Variants in SLC6A5 observed in about 807,000 individuals in gnomAD.
SLC6A5 encodes solute carrier family 6 member 5, also known as sodium- and chloride-dependent glycine transporter 2.
In SLC6A5, 58 loss-of-function variants were observed where a neutral mutation model predicts 90.5. That is an observed-to-expected ratio of 0.64 (90% CI 0.52 to 0.80). The LOEUF (loss-of-function observed/expected upper bound fraction) is 0.80, where lower values mean the gene tolerates loss of function less well. Ranked by LOEUF, SLC6A5 falls within the 30% of genes least tolerant of loss-of-function variation. The pLI is 0.00. For synonymous variants in SLC6A5, 427 were observed against 401.4 expected (o/e 1.06, Z -0.76); for missense variants, 1,015 against 1,017.6 (o/e 1.00, Z 0.03).
At chr11:20,600,133 T>C (rs1263659884) in intron 1 of SLC6A5, among the ~76,000 whole-genome samples, 1 of 152,074 alleles carries the variant, frequency 6.6e-6, no homozygotes, top group Non-Finnish European at 1.5e-5. Flanking sequence ...ATAATAATTA[T>C]TGGTGCTAAT....
intron 9 of SLC6A5, among the ~76,000 whole-genome samples, chr11:20,629,003 G>C (rs1443351651): frequency 6.6e-6 from 1 of 152,162 alleles, no homozygotes. Flanking sequence ...GCCTATGACA[G>C]ATAGACTCAT....
intron 5 of SLC6A5, among the ~76,000 whole-genome samples, chr11:20,614,199 A>G (rs535313032): frequency 1.3e-5 from 2 of 152,214 alleles, no homozygotes; most frequent in African/African-American, 2.4e-5. Flanking sequence ...GGGTCTGCTT[A>G]TTTTCTAATT....
intron 9 of SLC6A5, among the ~76,000 whole-genome samples, chr11:20,628,373 G>A (rs1425202294): frequency 6.6e-6 from 1 of 152,216 alleles, no homozygotes; most frequent in Non-Finnish European, 1.5e-5. Context: ...TTCTGTGACA[G>A]TCATTTGTGA....
chr11:20,649,530 T>G (rs1027885840), intron 14 of SLC6A5, among the ~76,000 whole-genome samples: 1 of 152,216 alleles, frequency 6.6e-6, no homozygotes, highest in African/African-American at 2.4e-5. Context: ...CAACTGGAAA[T>G]GAGTGTCGGA....
At position 20,622,224 on chromosome 11, in the gene SLC6A5, C is replaced by T. The variant is rs528218161; in HGVS notation, c.1260+4340C>T. On this transcript the variant is annotated intron_variant, in intron 7 of 15. Transcript: ENST00000525748. Reference sequence around the variant, plus strand: ...AAACCTCCAATGCACACCTGTCTCACATTTGAGGCATTCCCAGGATTTATA... The same window carrying T: ...AAACCTCCAATGCACACCTGTCTCATATTTGAGGCATTCCCAGGATTTATA... 3.9e-5 allele frequency among the ~76,000 whole-genome samples: 6 copies of T among 152,354 alleles called. No homozygotes were observed. The South Asian group carries it at 8.3e-4, about 21-fold the overall frequency.
At chr11:20,640,709 A>G (rs1853296725) in intron 13 of SLC6A5, among the ~76,000 whole-genome samples, 4 of 150,070 alleles carry the variant, frequency 2.7e-5, no homozygotes, top group Admixed American at 6.7e-5. Context: ...AAAAAAAAAA[A>G]AAGAAGAAAA....
At chr11:20,641,402 C>A (rs900999783) in intron 13 of SLC6A5, among the ~76,000 whole-genome samples, 1 of 152,296 alleles carries the variant, frequency 6.6e-6, no homozygotes, top group Non-Finnish European at 1.5e-5. Flanking sequence ...GTTAGATTCA[C>A]AGCAGACAAT....
At position 20,652,467 on chromosome 11, in the gene SLC6A5, C is replaced by T; in HGVS notation, c.2238+11C>T. ...GGAAGATTTATTGAGGTAATTCTGT[C>T]TACTTCTTTCCCTCCCAATTCCTCC... On this transcript the variant is annotated intron_variant, in intron 15 of 15. Transcript: ENST00000525748. 6.2e-7 allele frequency: 1 copy of T among 1,611,470 alleles called. No individual in the cohort carries two copies. Among genetic ancestry groups the T allele is most frequent in the Non-Finnish European group, 8.5e-7 (1 of 1,177,512 alleles).
chr11:20,607,598 T>C lies in SLC6A5; in HGVS notation c.931T>C (p.Cys311Arg). The C allele has an allele frequency of 6.2e-7, 1 of 1,614,178 alleles. No individual in the cohort carries two copies. The highest frequency in any genetic ancestry group is 8.5e-7 in the Non-Finnish European group (1 of 1,180,004). ...TGTGTCTGTACTACCCTGGGGCTCC[T>C]GCAACAACCCTTGGAATACGCCAGA... ...SFVSVLPWGS[C>R]NNPWNTPECK... The change falls in exon 5 of 16, where the codon TGC becomes CGC. Residue 311 changes from cysteine (C) to arginine (R), a missense_variant. Coordinates refer to ENST00000525748, the MANE Select transcript of SLC6A5 (RefSeq NM_004211.5).
chr11:20,636,856 G>T (rs969466657), intron 11 of SLC6A5, among the ~76,000 whole-genome samples: 1 of 152,128 alleles, frequency 6.6e-6, no homozygotes, highest in Non-Finnish European at 1.5e-5. Flanking sequence ...AAGAGCAAAT[G>T]CAAGGTAAAC....
chr11:20,627,112 T>C (rs1206178731), intron 8 of SLC6A5, among the ~76,000 whole-genome samples: 1 of 152,196 alleles, frequency 6.6e-6, no homozygotes, highest in Non-Finnish European at 1.5e-5. Context: ...TTGGGCCAAC[T>C]CACATCACTT....
At position 20,601,750 on chromosome 11, in the gene SLC6A5, A is replaced by G. The variant is rs1590152278; in HGVS notation, c.540+85A>G. 2.1e-6 allele frequency: 3 copies of G among 1,430,172 alleles called. No individual in the cohort carries two copies. In the East Asian group the frequency reaches 7.3e-5, roughly 35 times the overall value. The allele number at this position is 1,430,172 out of a possible 1,614,324, so 88.6% of individuals were successfully genotyped here. ...CAGCCGGGCCGTGGCGGGTGCACGT[A>G]TGCTGATGGGGAAACCGGTTGGCAG... On this transcript the variant is annotated intron_variant, in intron 2 of 15. Coordinates refer to ENST00000525748, the MANE Select transcript of SLC6A5 (RefSeq NM_004211.5).
At chr11:20,651,609 CCCTTACAG>C (rs1853533722) in intron 14 of SLC6A5, among the ~76,000 whole-genome samples, 1 of 151,328 alleles carries the variant, frequency 6.6e-6, no homozygotes, top group African/African-American at 2.4e-5. Flanking sequence ...TGATTATTAC[CCCTTACAG>C]AAAATACGGG....
At chr11:20,624,643 T>G (rs1852957187) in intron 7 of SLC6A5, among the ~76,000 whole-genome samples, 1 of 152,132 alleles carries the variant, frequency 6.6e-6, no homozygotes, top group Non-Finnish European at 1.5e-5. Flanking sequence ...GTATTCCAGT[T>G]GCCCTCAGAG....
At chr11:20,653,950 C>T (rs7128571) in intron 15 of SLC6A5, among the ~76,000 whole-genome samples, 2,864 of 152,322 alleles carry the variant, frequency 0.019, 75 homozygotes, top group African/African-American at 0.066. Context: ...AAACTAACAG[C>T]TCTAAGTACC....
At chr11:20,645,820 A>G (rs1201030607) in intron 13 of SLC6A5, among the ~76,000 whole-genome samples, 1 of 151,902 alleles carries the variant, frequency 6.6e-6, no homozygotes, top group East Asian at 1.9e-4. Context: ...TATTTTTAGT[A>G]GGGACGGGGT....
In SLC6A5 at chr11:20,628,080, A is replaced by T. The variant is rs7944684; in HGVS notation, c.1496A>T (p.Tyr499Phe). The change falls in exon 9 of 16, where the codon TAC becomes TTC. Residue 499 changes from tyrosine to phenylalanine, a missense_variant. Tyr to Phe is a conservative substitution (Grantham distance 22). Around this residue, in one of 3 missense-constraint regions of SLC6A5, gnomAD observed 442 missense variants for 494.3 expected, o/e 0.89. Coordinates refer to ENST00000525748, the MANE Select transcript of SLC6A5 (RefSeq NM_004211.5). ...TACAACAAATTCCACAACAACTGCT[A>T]CAGGTATGTAGAGGTACTACAAGAT... is the stretch of plus-strand genomic sequence containing the variant. The part of the protein sequence containing the change: ...SSYNKFHNNC[Y>F]RDTLIVTCTN... 4,301 of 1,611,512 alleles carry T rather than the reference A, an allele frequency of 2.7e-3. 82 individuals carry two copies. The African/African-American group carries it at 0.047, about 18-fold the overall frequency.
intron 13 of SLC6A5, among the ~76,000 whole-genome samples, chr11:20,644,811 C>G (rs1853379574): frequency 6.6e-6 from 1 of 151,570 alleles, no homozygotes; most frequent in Non-Finnish European, 1.5e-5. Context: ...TTTTCTTTTT[C>G]TTTTTCTTTT....
intron 10 of SLC6A5, among the ~76,000 whole-genome samples, chr11:20,634,053 G>A (rs977236303): frequency 6.6e-6 from 1 of 152,162 alleles, no homozygotes; most frequent in Non-Finnish European, 1.5e-5. Context: ...TGTATTTTTA[G>A]TAGAGACGGG....
Sources: gnomAD v4.1 joint callset for allele counts (sites outside exome capture counted in the v4.1 genomes callset) on GRCh38, gnomAD v4.1.1 for gene constraint, gnomAD v4.1.1 regional missense constraint, MANE v1.5 for transcripts, NCBI Gene and HGNC (gene_info 2026-07-23, HGNC 2026-07-21) for gene names.